TRAF2: variants seen among roughly 807,000 people sequenced by gnomAD.
TRAF2 encodes the protein TNF receptor-associated factor 2.
A neutral mutation model predicts 55.6 loss-of-function variants in TRAF2; 6 were observed. That is an observed-to-expected ratio of 0.11 (90% CI 0.06 to 0.21). TRAF2 has a LOEUF of 0.21. Among genes scored for constraint, TRAF2 ranks in the 10% least tolerant of loss-of-function variants. TRAF2 has a pLI of 1.00. For synonymous variants in TRAF2, 329 were observed against 276.3 expected (o/e 1.19, Z -1.89); for missense variants, 561 against 684.5 (o/e 0.82, Z 2.01).
chr9:136,897,564 C>T (rs1299165626), intron 1 of TRAF2, among the ~76,000 whole-genome samples: 155 of 130,050 alleles, frequency 1.2e-3, no homozygotes, highest in East Asian at 2.9e-3. Context: ...ACTAGCCAGC[C>T]CCAGGTGTGC....
upstream of TRAF2, chr9:136,882,099 GC>G: frequency 3.1e-6 from 3 of 956,758 alleles, no homozygotes; most frequent in Non-Finnish European, 3.7e-6. Context: ...CCCGTGGGGG[GC>G]CCAGCTTGGA....
chr9:136,910,198 G>C, intron 6 of TRAF2: 1 of 613,474 alleles, frequency 1.6e-6, no homozygotes, highest in Non-Finnish European at 2.9e-6. Flanking sequence ...GCTGAGTCCC[G>C]AGCCCTCTTC....
At chr9:136,911,868 G>A (rs570174128) in intron 6 of TRAF2, among the ~76,000 whole-genome samples, 14 of 5,284 alleles carry the variant, frequency 2.6e-3, no homozygotes, top group Non-Finnish European at 6.9e-3. Flanking sequence ...TTTTTTTTTT[G>A]AGATGGAGTC....
At position 136,886,535 on chromosome 9, in the gene TRAF2, C is replaced by T; in HGVS notation, c.-35C>T. ...GCCCTTAGTTCCGGGCGCGCTGCGA[C>T]CGTTGGGTGAGGCGAGCGCGGGGTC... On this transcript the variant is annotated 5_prime_UTR_variant, in exon 1 of 11. Transcript: ENST00000247668. The T allele has an allele frequency of 1.1e-5, 11 of 987,284 alleles. No homozygotes were observed. Among genetic ancestry groups the T allele is most frequent in the Non-Finnish European group, 1.3e-5 (11 of 831,236 alleles). The allele number at this position is 987,284 out of a possible 1,614,324, so 61.2% of individuals were successfully genotyped here.
At chr9:136,888,347 C>G (rs11145918) in intron 1 of TRAF2, among the ~76,000 whole-genome samples, 116,320 of 151,864 alleles carry the variant, frequency 0.77, 44,790 homozygotes, top group East Asian at 0.87. Flanking sequence ...AGGAGAATGG[C>G]GTGAACCCGG....
chr9:136,913,136 CCAT>C (rs1850158610), intron 6 of TRAF2, among the ~76,000 whole-genome samples: 1 of 151,966 alleles, frequency 6.6e-6, no homozygotes, highest in Admixed American at 6.6e-5. Context: ...GAGTGAAACT[CCAT>C]CTCAAAAAAA....
At chr9:136,924,779 GC>G (rs1420332290) in intron 10 of TRAF2, among the ~76,000 whole-genome samples, 7 of 151,910 alleles carry the variant, frequency 4.6e-5, no homozygotes, top group African/African-American at 2.4e-5. Context: ...TTGCTCTGTC[GC>G]CCAGGCTGGA....
upstream of TRAF2, chr9:136,882,010 G>T (rs571867037): frequency 6.1e-6 from 6 of 985,582 alleles, no homozygotes; most frequent in South Asian, 2.3e-4. Context: ...CTCGGTGTGA[G>T]CAAGTGGACT....
chr9:136,907,279 C>T (rs1031024477), intron 4 of TRAF2, among the ~76,000 whole-genome samples: 17 of 152,270 alleles, frequency 1.1e-4, no homozygotes, highest in Non-Finnish European at 7.3e-5. Flanking sequence ...TTCCCCGGCC[C>T]TGCCTCCACT....
At chr9:136,901,722 T>G (rs897181994) in intron 4 of TRAF2, among the ~76,000 whole-genome samples, 1 of 152,204 alleles carries the variant, frequency 6.6e-6, no homozygotes, top group Non-Finnish European at 1.5e-5. Flanking sequence ...CTTTCTGCAC[T>G]TAGGGGAGCT....
intron 10 of TRAF2, 28 bp from the exon 11 acceptor site, chr9:136,925,655 G>T (rs780752780): frequency 1.4e-5 from 23 of 1,610,582 alleles, no homozygotes; most frequent in Non-Finnish European, 2.0e-5. Context: ...ACAGACCTGT[G>T]TCCCCTCCCT....
Position 136,909,590 on chromosome 9 carries a change from C to G in TRAF2, c.529-330C>G, listed in dbSNP as rs377174893. Among the ~76,000 whole-genome samples, 85 of 152,316 alleles carry G rather than the reference C, an allele frequency of 5.6e-4. 1 individual carries two copies. The South Asian group carries it at 8.1e-3, about 14-fold the overall frequency. ...CGCCAGCCCTGCCCATCCGCCAGGC[C>G]CTCCCACCGGCCTCGCCTCCCAGCG... On this transcript the variant is annotated intron_variant, in intron 5 of 10. Coordinates refer to ENST00000247668, the MANE Select transcript of TRAF2 (RefSeq NM_021138.4).
Position 136,899,601 on chromosome 9 carries a change from C to A in TRAF2, c.196C>A (p.Pro66Thr), listed in dbSNP as rs1245836972. 10 of 1,611,664 alleles carry A rather than the reference C, an allele frequency of 6.2e-6. No homozygotes were observed. Among genetic ancestry groups the A allele is most frequent in the Non-Finnish European group, 8.5e-6 (10 of 1,178,304 alleles). The change falls in exon 3 of 11, where the codon CCT becomes ACT. Residue 66 changes from proline to threonine, a missense_variant. By Grantham distance (38) the Pro-to-Thr change is conservative. Around this residue, in one of 2 missense-constraint regions of TRAF2, gnomAD observed 426 missense variants for 476.8 expected, o/e 0.89. Coordinates refer to ENST00000247668, the MANE Select transcript of TRAF2 (RefSeq NM_021138.4). ...FCLASILSSG[P>T]QNCAACVHEG... is the part of the protein sequence containing the mutation. ...GCCTTTTTTCCCCACTAGCTCTGGGCCTCAGAACTGTGCTGCCTGTGTTCA... is the reference window on the plus strand; with the variant it reads ...GCCTTTTTTCCCCACTAGCTCTGGGACTCAGAACTGTGCTGCCTGTGTTCA...
At chr9:136,901,989 G>C (rs1185988467) in intron 4 of TRAF2, 2 of 152,310 alleles carry the variant, frequency 1.3e-5, no homozygotes, top group African/African-American at 2.4e-5. Context: ...TGCCCCAGCT[G>C]TGTCTGGGGT....
upstream of TRAF2, among the ~76,000 whole-genome samples, chr9:136,885,284 G>A (rs1324100195): frequency 6.6e-6 from 1 of 152,194 alleles, no homozygotes; most frequent in East Asian, 1.9e-4. Flanking sequence ...ATGCTTGGAG[G>A]AGACTTACCT....
intron 10 of TRAF2, among the ~76,000 whole-genome samples, chr9:136,924,433 G>A (rs923698740): frequency 1.3e-5 from 2 of 151,994 alleles, no homozygotes; most frequent in African/African-American, 4.8e-5. Context: ...ATGGTGGTGT[G>A]CACCTGTATT....
chr9:136,919,725 C>G (rs1212839042), intron 7 of TRAF2, among the ~76,000 whole-genome samples: 3 of 143,612 alleles, frequency 2.1e-5, no homozygotes, highest in South Asian at 2.4e-4. Context: ...TCCCTTTTTT[C>G]TTTTCTTCCA....
At chr9:136,924,735 C>T (rs745658672) in intron 10 of TRAF2, among the ~76,000 whole-genome samples, 10 of 151,886 alleles carry the variant, frequency 6.6e-5, no homozygotes, top group Non-Finnish European at 1.3e-4. Flanking sequence ...TCGGAGGTGT[C>T]ATTTATTTAT....
At chr9:136,885,468 G>T (rs893097004), upstream of TRAF2, among the ~76,000 whole-genome samples, 1 of 152,140 alleles carries the variant, frequency 6.6e-6, no homozygotes, top group Non-Finnish European at 1.5e-5. Context: ...CAGCCCACAG[G>T]ACTCCTAGGG....
Sources: gnomAD v4.1 joint callset for allele counts (sites outside exome capture counted in the v4.1 genomes callset) on GRCh38, gnomAD v4.1.1 for gene constraint, gnomAD v4.1.1 regional missense constraint, MANE v1.5 for transcripts, NCBI Gene and HGNC (gene_info 2026-07-23, HGNC 2026-07-21) for gene names.